The following LEF1 variants were observed in gnomAD, a reference collection of about 807,000 sequenced individuals.
The protein encoded by LEF1 is lymphoid enhancer-binding factor 1.
In LEF1, 14 loss-of-function variants were observed where a neutral mutation model predicts 51.2. That is an observed-to-expected ratio of 0.27 (90% confidence interval 0.18 to 0.43). The LOEUF (loss-of-function observed/expected upper bound fraction) is 0.43. LEF1 is among the 20% of genes least tolerant of loss of function. The pLI is 1.00. For synonymous variants in LEF1, 185 were observed against 183.2 expected (o/e 1.01, Z -0.08); for missense variants, 386 against 512.0 (o/e 0.75, Z 2.37).
rs531395168 is a variant in LEF1, at chr4:108,120,100, C to T, written c.415-30843G>A. Among the ~76,000 whole-genome samples, 17 of 151,826 alleles carry T rather than the reference C, an allele frequency of 1.1e-4. 1 individual carries two copies. The highest frequency in any genetic ancestry group is 6.2e-4 in the South Asian group (3 of 4,822). On this transcript the variant is annotated intron_variant, in intron 3 of 11. Coordinates refer to ENST00000265165, the MANE Select transcript of LEF1 (RefSeq NM_016269.5). ...AGGCTGGAGTGCAGTGGTGTGATCA[C>T]GGCTCAATGTAGCCTTGAACTCCTG...
chr4:108,098,812 T>C (rs755992570), intron 3 of LEF1, among the ~76,000 whole-genome samples: 4 of 152,216 alleles, frequency 2.6e-5, no homozygotes, highest in Non-Finnish European at 5.9e-5. Context: ...ACAAGTTACT[T>C]GGGTTCAGCT....
chr4:108,165,677 G>A (rs149593303), intron 1 of LEF1, among the ~76,000 whole-genome samples: 22 of 152,350 alleles, frequency 1.4e-4, no homozygotes, highest in African/African-American at 4.8e-4. Flanking sequence ...AGTTACAGCA[G>A]AAGCTCCACT....
At chr4:108,063,208 T>G (rs773712728) in intron 11 of LEF1, among the ~76,000 whole-genome samples, 6 of 152,214 alleles carry the variant, frequency 3.9e-5, no homozygotes, top group Non-Finnish European at 7.3e-5. Flanking sequence ...AAGTCTCTAC[T>G]GAGCAAAAGC....
chr4:108,070,617 C>T (rs1212460802), intron 9 of LEF1, 46 bp downstream of exon 9: 4 of 1,256,304 alleles, frequency 3.2e-6, no homozygotes, highest in East Asian at 2.3e-5. Context: ...CGCAAAAGAG[C>T]GAATGAGTGA....
chr4:108,154,443 C>CAAAAAAA lies in LEF1; in HGVS notation c.414+9118_414+9124dup, dbSNP rs10672899. 1.0e-3 allele frequency among the ~76,000 whole-genome samples: 75 copies of CAAAAAAA among 71,906 alleles called. 1 individual carries two copies. Among genetic ancestry groups the CAAAAAAA allele is most frequent in the African/African-American group, 2.5e-3 (46 of 18,570 alleles). The allele number at this position is 71,906 out of a possible 152,430, so 47.2% of individuals were successfully genotyped here. On this transcript the variant is annotated intron_variant, in intron 3 of 11. Transcript: ENST00000265165. ...CACAGTATGTAGCACAAGGTAGTAG[C>CAAAAAAA]AAAAAAAAAAAAAAAAAAAAAAATC...
intron 3 of LEF1, among the ~76,000 whole-genome samples, chr4:108,103,263 A>C (rs574765823): frequency 1.2e-3 from 189 of 152,354 alleles, no homozygotes; most frequent in African/African-American, 4.4e-3. Flanking sequence ...ATGTAATATC[A>C]TGTGAATGTG....
At position 108,099,598 on chromosome 4, in the gene LEF1, A is replaced by T. The variant is rs1305711412; in HGVS notation, c.415-10341T>A. On this transcript the variant is annotated intron_variant, in intron 3 of 11. Transcript: ENST00000265165. ...TATATATATATATATATATATATATATATATATATATATATATATAAATAA... is the reference window on the plus strand; with the variant it reads ...TATATATATATATATATATATATATTTATATATATATATATATATAAATAA... Among the ~76,000 whole-genome samples the T allele has an allele frequency of 5.4e-5, 7 of 130,296 alleles. 1 individual carries two copies. The highest frequency in any genetic ancestry group is 1.2e-4 in the Non-Finnish European group (7 of 60,774). The allele number at this position is 130,296 out of a possible 152,430, so 85.5% of individuals were successfully genotyped here.
chr4:108,068,221 C>G (rs577745766), intron 9 of LEF1, among the ~76,000 whole-genome samples: 20 of 152,210 alleles, frequency 1.3e-4, no homozygotes, highest in Admixed American at 7.9e-4. Flanking sequence ...GAGCCGAGAT[C>G]ATGCCATTGC....
chr4:108,164,428 T>C (rs1432274586), intron 2 of LEF1, among the ~76,000 whole-genome samples: 1 of 152,206 alleles, frequency 6.6e-6, no homozygotes, highest in Non-Finnish European at 1.5e-5. Context: ...AGGCCAATTG[T>C]TAAGTAATTA....
At chr4:108,139,436 C>A (rs1289480452) in intron 3 of LEF1, among the ~76,000 whole-genome samples, 1 of 152,194 alleles carries the variant, frequency 6.6e-6, no homozygotes, top group Non-Finnish European at 1.5e-5. Flanking sequence ...AGCTAACTAT[C>A]CTTTTCTCCC....
At chr4:108,161,710 A>G (rs940036733) in intron 3 of LEF1, among the ~76,000 whole-genome samples, 1 of 152,178 alleles carries the variant, frequency 6.6e-6, no homozygotes, top group African/African-American at 2.4e-5. Flanking sequence ...AATTTTCATT[A>G]TATTGATTTT....
intron 8 of LEF1, among the ~76,000 whole-genome samples, chr4:108,077,191 T>TA (rs1299736349): frequency 6.6e-6 from 1 of 152,026 alleles, no homozygotes; most frequent in Non-Finnish European, 1.5e-5. Flanking sequence ...TTTTTTTTTT[T>TA]AATTAGCCAG....
At chr4:108,092,647 T>C (rs543184632) in intron 3 of LEF1, among the ~76,000 whole-genome samples, 3 of 151,672 alleles carry the variant, frequency 2.0e-5, no homozygotes, top group Non-Finnish European at 2.9e-5. Context: ...AAATGTGGTA[T>C]ATATTTTCTT....
At chr4:108,117,589 A>C (rs1741914782) in intron 3 of LEF1, among the ~76,000 whole-genome samples, 1 of 152,226 alleles carries the variant, frequency 6.6e-6, no homozygotes, top group Non-Finnish European at 1.5e-5. Context: ...CTGCAGTACA[A>C]GGTTCTGTAA....
chr4:108,162,585 A>G (rs1343909849), intron 3 of LEF1, among the ~76,000 whole-genome samples: 3 of 152,170 alleles, frequency 2.0e-5, no homozygotes. Flanking sequence ...TAAGTCAAAC[A>G]CTATAGGTTC....
chr4:108,054,640 A>AT (rs1406404510), intron 11 of LEF1, among the ~76,000 whole-genome samples: 1 of 152,240 alleles, frequency 6.6e-6, no homozygotes, highest in African/African-American at 2.4e-5. Context: ...AGCAAGATTC[A>AT]TACTATTACA....
intron 6 of LEF1, 134 bp from the exon 7 acceptor site, chr4:108,079,748 A>G (rs369600629): frequency 1.3e-6 from 1 of 787,690 alleles, no homozygotes; most frequent in Non-Finnish European, 2.0e-6. Context: ...AGCATTAACT[A>G]TAAATTAGAG....
chr4:108,123,190 G>A (rs924838637), intron 3 of LEF1, among the ~76,000 whole-genome samples: 1 of 152,146 alleles, frequency 6.6e-6, no homozygotes, highest in Admixed American at 6.5e-5. Context: ...CCAGATCTCT[G>A]TTGAGGAAAT....
intron 3 of LEF1, among the ~76,000 whole-genome samples, chr4:108,143,435 T>C (rs1230450931): frequency 6.6e-6 from 1 of 152,204 alleles, no homozygotes; most frequent in African/African-American, 2.4e-5. Context: ...GTTCCAGTGT[T>C]ATCAAATATT....
Sources: gnomAD v4.1 joint callset for allele counts (sites outside exome capture counted in the v4.1 genomes callset) on GRCh38, gnomAD v4.1.1 for gene constraint, MANE v1.5 for transcripts, NCBI Gene and HGNC (gene_info 2026-07-23, HGNC 2026-07-21) for gene names.